Variants in PARVA observed in about 807,000 individuals in gnomAD.
The protein encoded by PARVA is alpha-parvin.
In PARVA, 25 loss-of-function variants were observed where a neutral mutation model predicts 52.6. The ratio of observed to expected loss-of-function variants is 0.48; its 90% CI spans 0.35 to 0.66. The LOEUF (loss-of-function observed/expected upper bound fraction) is 0.66. PARVA is among the 30% of genes least tolerant of loss of function. PARVA has a pLI of 0.01. For missense variants in PARVA, 373 were observed against 450.9 expected, an observed-to-expected ratio of 0.83 and a Z score of 1.56; for synonymous variants, 185 against 179.1, an observed-to-expected ratio of 1.03 and a Z score of -0.26.
rs147852088 is a variant in PARVA at position 12,528,821 on chromosome 11, TATA to T, written c.*901_*903del. 6,404 of 152,720 alleles carry T rather than the reference TATA, an allele frequency of 0.042. 402 individuals carry two copies. The highest frequency in any genetic ancestry group is 0.27 in the East Asian group (1,380 of 5,154). 9.5% of individuals were successfully genotyped at this position (152,720 alleles called of 1,614,324 possible). A position where few individuals can be genotyped will look rare whatever the true frequency, so the allele number is the denominator to read the frequency against. ...AAATTACTCTTAATTCCTTCAGATTTATAATAACTCTGTACTTTGGTTTCAGGG... is the reference window on the plus strand; with the variant it reads ...AAATTACTCTTAATTCCTTCAGATTTATAACTCTGTACTTTGGTTTCAGGG... On this transcript the variant is annotated 3_prime_UTR_variant, in exon 13 of 13. Transcript: ENST00000334956.
At chr11:12,454,449 A>T (rs1940666983) in intron 1 of PARVA, among the ~76,000 whole-genome samples, 1 of 151,870 alleles carries the variant, frequency 6.6e-6, no homozygotes, top group Non-Finnish European at 1.5e-5. Flanking sequence ...TTAGTTGAAT[A>T]TTTTTTTCAG....
intron 1 of PARVA, among the ~76,000 whole-genome samples, chr11:12,471,367 T>TAAG (rs1564855477): frequency 1.4e-5 from 2 of 139,886 alleles, no homozygotes; most frequent in South Asian, 2.3e-4. Flanking sequence ...CACTTACTCT[T>TAAG]TTAAAAATTT....
intron 4 of PARVA, among the ~76,000 whole-genome samples, chr11:12,483,608 A>G (rs760993794): frequency 6.6e-6 from 1 of 152,176 alleles, no homozygotes; most frequent in Non-Finnish European, 1.5e-5. Context: ...GTGACAGAGG[A>G]GAGAGCCTTG....
chr11:12,459,421 GAGAAGAAAGAAAAAAGA>G (rs770321586), intron 1 of PARVA, among the ~76,000 whole-genome samples: 2 of 151,686 alleles, frequency 1.3e-5, no homozygotes, highest in African/African-American at 2.4e-5. Flanking sequence ...AAAAGAAAAA[GAGAAGAAAGAAAAAAGA>G]AGAAGAAAGA....
At chr11:12,452,613 CTT>C (rs752150228) in intron 1 of PARVA, 17 of 160,586 alleles carry the variant, frequency 1.1e-4, no homozygotes, top group Non-Finnish European at 2.2e-4. Context: ...AGGTGAGACT[CTT>C]TTCTCAGTAG....
intron 4 of PARVA, among the ~76,000 whole-genome samples, chr11:12,486,933 G>A (rs1054673452): frequency 3.9e-5 from 6 of 152,192 alleles, no homozygotes; most frequent in African/African-American, 9.6e-5. Context: ...TTTTGGTAGC[G>A]GCAACTAGTG....
chr11:12,526,979 A>G (rs1446051332), intron 12 of PARVA, among the ~76,000 whole-genome samples: 2 of 152,156 alleles, frequency 1.3e-5, no homozygotes, highest in Admixed American at 6.5e-5. Context: ...TCAGTGAGTC[A>G]TAGCTAGCCT....
At chr11:12,469,303 G>A (rs1378755924) in intron 1 of PARVA, among the ~76,000 whole-genome samples, 5 of 152,072 alleles carry the variant, frequency 3.3e-5, no homozygotes, top group Non-Finnish European at 5.9e-5. Context: ...TTTTCTCACG[G>A]TGAGCACTTC....
intron 1 of PARVA, among the ~76,000 whole-genome samples, chr11:12,417,842 C>A (rs1470720007): frequency 6.6e-6 from 1 of 152,208 alleles, no homozygotes; most frequent in Admixed American, 6.5e-5. Flanking sequence ...CCTGAGTTTT[C>A]TTCTGGAGCC....
chr11:12,443,713 C>T (rs28544976), intron 1 of PARVA, among the ~76,000 whole-genome samples: 39,121 of 152,072 alleles, frequency 0.26, 6,168 homozygotes, highest in Non-Finnish European at 0.34. Context: ...CAGATGGGAA[C>T]ATGAGGTGCT....
chr11:12,420,155 G>A (rs1231405884), intron 1 of PARVA, among the ~76,000 whole-genome samples: 1 of 151,994 alleles, frequency 6.6e-6, no homozygotes, highest in Non-Finnish European at 1.5e-5. Flanking sequence ...GAAGACTTTA[G>A]GAGAAAAAAA....
chr11:12,520,936 C>T (rs1941629309), intron 12 of PARVA, among the ~76,000 whole-genome samples: 1 of 151,962 alleles, frequency 6.6e-6, no homozygotes, highest in Non-Finnish European at 1.5e-5. Flanking sequence ...GACCCTGTCT[C>T]AAAGAAAGGA....
At position 12,383,265 on chromosome 11, in the gene PARVA, C is replaced by T. The variant is rs1013348321; in HGVS notation, c.136+5482C>T. On this transcript the variant is annotated intron_variant, in intron 1 of 12. Transcript: ENST00000334956. Reference sequence around the variant, plus strand: ...TCTTTCACTGCCCTTTCAGAGTCTACTTGCCAGAGGGCCACTTTTCAACTT... The same window carrying T: ...TCTTTCACTGCCCTTTCAGAGTCTATTTGCCAGAGGGCCACTTTTCAACTT... Among the ~76,000 whole-genome samples, 19 of 152,274 alleles carry T rather than the reference C, an allele frequency of 1.2e-4. 1 individual carries two copies. Among genetic ancestry groups the T allele is most frequent in the Middle Eastern group, 3.4e-3 (1 of 294 alleles).
At chr11:12,473,689 C>T (rs1415200686) in intron 1 of PARVA, 56 bp from the exon 2 acceptor site, 2 of 1,349,410 alleles carry the variant, frequency 1.5e-6, no homozygotes, top group East Asian at 5.0e-5. Flanking sequence ...TTACAGAGCT[C>T]CAACCCCCTG....
intron 1 of PARVA, among the ~76,000 whole-genome samples, chr11:12,472,995 TTGTTTTTCTTTC>T (rs1940953650): frequency 6.6e-6 from 1 of 152,184 alleles, no homozygotes; most frequent in Non-Finnish European, 1.5e-5. Context: ...TTACCTGTTT[TTGTTTTTCTTTC>T]TGAGGAAGGT....
chr11:12,402,508 T>C (rs902210068), intron 1 of PARVA, among the ~76,000 whole-genome samples: 3 of 152,208 alleles, frequency 2.0e-5, no homozygotes, highest in Admixed American at 2.0e-4. Context: ...TTCTATAGGA[T>C]TGCTATTACT....
At chr11:12,459,518 G>C (rs1940746390) in intron 1 of PARVA, among the ~76,000 whole-genome samples, 1 of 152,106 alleles carries the variant, frequency 6.6e-6, no homozygotes, top group Non-Finnish European at 1.5e-5. Flanking sequence ...TTCCTTGCTG[G>C]TCTGCCTGTG....
intron 1 of PARVA, among the ~76,000 whole-genome samples, chr11:12,425,664 C>T (rs1940220654): frequency 6.6e-6 from 1 of 152,126 alleles, no homozygotes; most frequent in Non-Finnish European, 1.5e-5. Context: ...TATCTAGTTA[C>T]CTCCTGTGTT....
chr11:12,418,817 G>A (rs1235954944), intron 1 of PARVA, among the ~76,000 whole-genome samples: 2 of 152,178 alleles, frequency 1.3e-5, no homozygotes, highest in Non-Finnish European at 2.9e-5. Context: ...TTTGAATGCT[G>A]CCTTGCACCC....
Sources: allele counts gnomAD v4.1 joint callset (sites outside exome capture counted in the v4.1 genomes callset), GRCh38; gene constraint gnomAD v4.1.1; transcripts MANE v1.5; gene names NCBI Gene and HGNC (gene_info 2026-07-23, HGNC 2026-07-21).